Variants in FGF14 observed in about 807,000 individuals in gnomAD.
FGF14 encodes the protein fibroblast growth factor 14.
FGF14 carries 5 observed loss-of-function variants against 25.5 expected under a neutral mutation model. The ratio of observed to expected loss-of-function variants is 0.20; its 90% CI spans 0.10 to 0.41. The LOEUF is 0.41. Among genes scored for constraint, FGF14 ranks in the 10% least tolerant of loss-of-function variants. FGF14 has a pLI of 1.00. For missense variants in FGF14, 222 were observed against 320.1 expected (o/e 0.69, Z 2.34); for synonymous variants, 138 against 118.3 (o/e 1.17, Z -1.08).
intron 3 of FGF14, among the ~76,000 whole-genome samples, chr13:101,825,237 C>T (rs563385082): frequency 1.3e-5 from 2 of 152,162 alleles, no homozygotes; most frequent in African/African-American, 4.8e-5. Flanking sequence ...CTGACACTAA[C>T]TCCAGGCAGA....
intron 1 of FGF14, among the ~76,000 whole-genome samples, chr13:101,900,025 T>C (rs1231996277): frequency 6.6e-6 from 1 of 152,144 alleles, no homozygotes. Context: ...AGAAATTTAG[T>C]AATTTTTTGT....
Position 101,719,684 on chromosome 13 carries a change from C to A in FGF14, c.*3147G>T, listed in dbSNP as rs141430976. ...ATAACAAATCAGTAGAAATAACCCTCCCACACCAGATATGCATGCAGAAGG... is the reference window on the plus strand; with the variant it reads ...ATAACAAATCAGTAGAAATAACCCTACCACACCAGATATGCATGCAGAAGG... On this transcript the variant is annotated 3_prime_UTR_variant, in exon 5 of 5. Coordinates refer to ENST00000376143, the MANE Select transcript of FGF14 (RefSeq NM_004115.4). 1 of 152,052 alleles carries A rather than the reference C, an allele frequency of 6.6e-6. No individual in the cohort carries two copies. The highest frequency in any genetic ancestry group is 1.5e-5 in the Non-Finnish European group (1 of 68,004). The allele number at this position is 152,052 out of a possible 1,614,324, so 9.4% of individuals were successfully genotyped here.
chr13:101,875,206 T>G lies in FGF14; in HGVS notation c.284A>C (p.Lys95Thr). 6.2e-7 allele frequency: 1 copy of G among 1,613,260 alleles called. No individual in the cohort carries two copies. Among genetic ancestry groups the G allele is most frequent in the Non-Finnish European group, 8.5e-7 (1 of 1,179,296 alleles). ...MHPDGALDGT[K>T]DDSTNSTLFN... Reference sequence around the variant, plus strand: ...CTTACTAGAATTAGTGCTGTCATCCTTGGTTCCATCGAGAGCTCCATCGGG... The same window carrying G: ...CTTACTAGAATTAGTGCTGTCATCCGTGGTTCCATCGAGAGCTCCATCGGG... The change falls in exon 2 of 5, where the codon AAG becomes ACG. Residue 95 changes from lysine (K) to threonine (T), a missense_variant. Coordinates refer to ENST00000376143, the MANE Select transcript of FGF14 (RefSeq NM_004115.4).
At chr13:102,272,014 T>C (rs550395598) in intron 1 of FGF14, among the ~76,000 whole-genome samples, 142 of 152,230 alleles carry the variant, frequency 9.3e-4, no homozygotes, top group Non-Finnish European at 1.6e-3. Flanking sequence ...TGGCTTCCAG[T>C]TGCAAAAAAA....
At chr13:102,165,386 T>C (rs1414988094) in intron 1 of FGF14, among the ~76,000 whole-genome samples, 3 of 152,000 alleles carry the variant, frequency 2.0e-5, no homozygotes, top group African/African-American at 7.3e-5. Flanking sequence ...TGCAGCACTA[T>C]TCACAATAGC....
rs190136248 is a variant in FGF14 at position 101,827,164 on chromosome 13, G to A, written c.408+41561C>T. On this transcript the variant is annotated intron_variant, in intron 3 of 4. Transcript: ENST00000376143. ...ATTTTTAAATGCAAACTTTTAGAGA[G>A]TTAATGTTTAGACAGTAGATGTCAT... 1.2e-4 allele frequency among the ~76,000 whole-genome samples: 18 copies of A among 152,038 alleles called. 1 individual carries two copies. The highest frequency in any genetic ancestry group is 9.8e-4 in the Admixed American group (15 of 15,288).
intron 2 of FGF14, among the ~76,000 whole-genome samples, chr13:101,871,694 G>A (rs1262841804): frequency 6.6e-6 from 1 of 151,946 alleles, no homozygotes; most frequent in East Asian, 1.9e-4. Context: ...AAAGTGGGGG[G>A]AAAGAAAACT....
chr13:102,217,383 G>A (rs2050420524), intron 1 of FGF14, among the ~76,000 whole-genome samples: 1 of 152,166 alleles, frequency 6.6e-6, no homozygotes, highest in Admixed American at 6.5e-5. Flanking sequence ...CGCTCATAGA[G>A]ACATTTCTGT....
chr13:102,316,276 T>C (rs961489757), intron 1 of FGF14, among the ~76,000 whole-genome samples: 21 of 152,228 alleles, frequency 1.4e-4, no homozygotes, highest in Admixed American at 1.4e-3. Flanking sequence ...CAATCAGTTG[T>C]GGGACATGTC....
At position 102,235,992 on chromosome 13, in the gene FGF14, T is replaced by C. The variant is rs74896673; in HGVS notation, c.208+165479A>G. The stretch of plus-strand genomic sequence containing the variant: ...TTAAGAATTAGTTTTGCTTTAAAGA[T>C]AGTAACATAAATTCTTGTGGAAGAT... On this transcript the variant is annotated intron_variant, in intron 1 of 4. Transcript: ENST00000376131. 4.8e-3 allele frequency among the ~76,000 whole-genome samples: 725 copies of C among 152,372 alleles called. 8 individuals are homozygous for C. Among genetic ancestry groups the C allele is most frequent in the African/African-American group, 0.017 (696 of 41,596 alleles).
chr13:102,139,731 G>C (rs949122083), intron 1 of FGF14, among the ~76,000 whole-genome samples: 5 of 151,846 alleles, frequency 3.3e-5, no homozygotes, highest in Admixed American at 2.6e-4. Flanking sequence ...GTTATGTGAA[G>C]AAACGAGGAA....
intron 1 of FGF14, among the ~76,000 whole-genome samples, chr13:102,265,197 CCTTTATTT>C (rs768011618): frequency 8.5e-5 from 13 of 152,170 alleles, no homozygotes; most frequent in Non-Finnish European, 1.5e-4. Context: ...TCTCCACTAC[CCTTTATTT>C]CTCCATTATG....
rs1007799300 is a variant in FGF14 at position 101,711,560 on chromosome 13, A to G, written c.*11271T>C. The G allele has an allele frequency of 5.9e-5, 9 of 152,274 alleles. No homozygotes were observed. Among genetic ancestry groups the G allele is most frequent in the Non-Finnish European group, 1.3e-4 (9 of 68,072 alleles). The allele number at this position is 152,274 out of a possible 1,614,324, so 9.4% of individuals were successfully genotyped here. On this transcript the variant is annotated 3_prime_UTR_variant, in exon 5 of 5. Transcript: ENST00000376143. ...GTTTTTGCCTGGAGATACATCACAG[A>G]TAGGCAGATCACTAAAAAGAAGAGT...
chr13:102,149,939 G>A (rs989580475), intron 1 of FGF14, among the ~76,000 whole-genome samples: 4 of 152,126 alleles, frequency 2.6e-5, no homozygotes, highest in Non-Finnish European at 5.9e-5. Flanking sequence ...TTTTATTCAA[G>A]AGAAGCTTGT....
chr13:102,028,882 G>A (rs1008460280), intron 1 of FGF14, among the ~76,000 whole-genome samples: 2 of 151,948 alleles, frequency 1.3e-5, no homozygotes, highest in Non-Finnish European at 2.9e-5. Flanking sequence ...TGGCATTCAC[G>A]TCTCTCCTGA....
chr13:102,372,834 C>T (rs764037046), intron 1 of FGF14, among the ~76,000 whole-genome samples: 6 of 152,206 alleles, frequency 3.9e-5, no homozygotes, highest in East Asian at 1.9e-4. Context: ...CTTTCTACAA[C>T]GCAGGGGCTA....
intron 3 of FGF14, among the ~76,000 whole-genome samples, chr13:101,861,366 CTTTAT>C (rs1261596132): frequency 6.6e-6 from 1 of 152,054 alleles, no homozygotes; most frequent in Non-Finnish European, 1.5e-5. Context: ...TGCTTCTGGG[CTTTAT>C]TTTCTTAGTG....
intron 1 of FGF14, among the ~76,000 whole-genome samples, chr13:102,037,029 T>A (rs1266167039): frequency 6.6e-6 from 1 of 152,132 alleles, no homozygotes; most frequent in Non-Finnish European, 1.5e-5. Flanking sequence ...ATCACCCTAA[T>A]GGATAACCAT....
chr13:102,384,758 T>C (rs943532907), intron 1 of FGF14, among the ~76,000 whole-genome samples: 2 of 152,238 alleles, frequency 1.3e-5, no homozygotes, highest in African/African-American at 2.4e-5. Context: ...CCATCGCTTC[T>C]GATCAACTTG....
Sources: gnomAD v4.1 joint callset for allele counts (sites outside exome capture counted in the v4.1 genomes callset) on GRCh38, gnomAD v4.1.1 for gene constraint, MANE v1.5 for transcripts, NCBI Gene and HGNC (gene_info 2026-07-23, HGNC 2026-07-21) for gene names.